SH3GL2: variants seen among roughly 807,000 people sequenced by gnomAD.
SH3GL2 encodes endophilin-A1.
SH3GL2 carries 24 observed loss-of-function variants against 46.0 expected under a neutral mutation model. That is an observed-to-expected ratio of 0.52 (90% CI 0.38 to 0.73). The LOEUF is 0.73. Among genes scored for constraint, SH3GL2 ranks in the 30% least tolerant of loss-of-function variants. The pLI is 0.00. For missense variants in SH3GL2, 413 were observed against 424.2 expected, an observed-to-expected ratio of 0.97 and a Z score of 0.23; for synonymous variants, 196 against 147.1, an observed-to-expected ratio of 1.33 and a Z score of -2.40.
chr9:17,655,612 T>G (rs796213971), intron 1 of SH3GL2, among the ~76,000 whole-genome samples: 21 of 152,376 alleles, frequency 1.4e-4, no homozygotes, highest in African/African-American at 3.8e-4. Flanking sequence ...CATATTTATT[T>G]AAACATATAA....
At chr9:17,610,852 C>T (rs74349203) in intron 1 of SH3GL2, among the ~76,000 whole-genome samples, 2,061 of 152,044 alleles carry the variant, frequency 0.014, 45 homozygotes, top group African/African-American at 0.046. Flanking sequence ...TGTTATGGGA[C>T]GCTTTTTTGG....
chr9:17,617,070 A>G (rs1310679498), intron 1 of SH3GL2, among the ~76,000 whole-genome samples: 2 of 152,116 alleles, frequency 1.3e-5, no homozygotes, highest in Non-Finnish European at 2.9e-5. Context: ...CATACATACT[A>G]TAATATTCTG....
At chr9:17,702,105 A>T (rs1821354009) in intron 1 of SH3GL2, among the ~76,000 whole-genome samples, 1 of 152,136 alleles carries the variant, frequency 6.6e-6, no homozygotes, top group South Asian at 2.1e-4. Flanking sequence ...TAATAGTTTA[A>T]CATAAGATAC....
chr9:17,611,528 T>A (rs1006490293), intron 1 of SH3GL2, among the ~76,000 whole-genome samples: 1 of 152,156 alleles, frequency 6.6e-6, no homozygotes, highest in Non-Finnish European at 1.5e-5. Flanking sequence ...TTGGTGTGTT[T>A]GAGATGTGTG....
chr9:17,720,710 A>C (rs1821874428), intron 1 of SH3GL2, among the ~76,000 whole-genome samples: 1 of 152,130 alleles, frequency 6.6e-6, no homozygotes, highest in Admixed American at 6.6e-5. Flanking sequence ...AATAAGATAT[A>C]AGGAAACGTA....
intron 1 of SH3GL2, among the ~76,000 whole-genome samples, chr9:17,680,024 G>A (rs1385387839): frequency 2.6e-5 from 4 of 152,020 alleles, no homozygotes; most frequent in Middle Eastern, 3.2e-3. Context: ...TGCTGGATTC[G>A]GTTTGCCAGT....
At position 17,777,520 on chromosome 9, in the gene SH3GL2, C is replaced by T. The variant is rs140604064; in HGVS notation, c.188-8861C>T. 1.2e-3 allele frequency among the ~76,000 whole-genome samples: 176 copies of T among 152,232 alleles called. 1 individual carries two copies. The highest frequency in any genetic ancestry group is 0.011 in the Admixed American group (162 of 15,282). On this transcript the variant is annotated intron_variant, in intron 3 of 8. Coordinates refer to ENST00000380607, the MANE Select transcript of SH3GL2 (RefSeq NM_003026.5). The stretch of plus-strand genomic sequence containing the variant: ...TCTATGTCAGCTCAGGCTGCCATAA[C>T]AAAATATCATAAATAATAGAAATTT...
chr9:17,638,641 A>G (rs1315446212), intron 1 of SH3GL2, among the ~76,000 whole-genome samples: 2 of 152,126 alleles, frequency 1.3e-5, no homozygotes, highest in Admixed American at 1.3e-4. Context: ...GGCTTGGGGG[A>G]TGTGCAGAAC....
intron 3 of SH3GL2, among the ~76,000 whole-genome samples, chr9:17,764,595 G>A (rs968568902): frequency 6.6e-6 from 1 of 152,180 alleles, no homozygotes; most frequent in East Asian, 1.9e-4. Flanking sequence ...ACATTTACAT[G>A]GACAGGCCAG....
At chr9:17,634,846 G>A (rs546064065) in intron 1 of SH3GL2, among the ~76,000 whole-genome samples, 1 of 152,298 alleles carries the variant, frequency 6.6e-6, no homozygotes, top group East Asian at 1.9e-4. Flanking sequence ...GGCTTTTGGA[G>A]CCTGTGGCAG....
chr9:17,742,193 G>T (rs554080560), intron 1 of SH3GL2, among the ~76,000 whole-genome samples: 1 of 152,194 alleles, frequency 6.6e-6, no homozygotes, highest in Non-Finnish European at 1.5e-5. Context: ...TGGAGGCACA[G>T]TGGTTGGCTC....
intron 1 of SH3GL2, among the ~76,000 whole-genome samples, chr9:17,591,581 C>T (rs565820361): frequency 6.6e-6 from 1 of 152,248 alleles, no homozygotes; most frequent in Admixed American, 6.5e-5. Context: ...CAGGAAAAAC[C>T]TATATACAGA....
intron 1 of SH3GL2, among the ~76,000 whole-genome samples, chr9:17,643,701 T>C (rs1229787366): frequency 1.3e-5 from 2 of 152,216 alleles, no homozygotes; most frequent in Non-Finnish European, 2.9e-5. Flanking sequence ...TCGTGGTGGA[T>C]AAGCTTTTTG....
chr9:17,756,599 G>C (rs1462317208), intron 2 of SH3GL2, among the ~76,000 whole-genome samples: 1 of 151,420 alleles, frequency 6.6e-6, no homozygotes, highest in Non-Finnish European at 1.5e-5. Flanking sequence ...CCTTGCAATA[G>C]TTTGCTGAGA....
chr9:17,651,092 C>T (rs992857082), intron 1 of SH3GL2, among the ~76,000 whole-genome samples: 2 of 151,880 alleles, frequency 1.3e-5, no homozygotes, highest in Non-Finnish European at 2.9e-5. Context: ...ATTGTTTTTT[C>T]ATTAGTTTTT....
At chr9:17,599,259 T>C (rs975829430) in intron 1 of SH3GL2, among the ~76,000 whole-genome samples, 5 of 152,200 alleles carry the variant, frequency 3.3e-5, no homozygotes, top group Non-Finnish European at 7.3e-5. Context: ...CTGTGCACTA[T>C]GGATGAAGGC....
rs1000329830 is a variant in SH3GL2 at position 17,595,466 on chromosome 9, C to G, written c.45+16179C>G. On this transcript the variant is annotated intron_variant, in intron 1 of 8. Coordinates refer to ENST00000380607, the MANE Select transcript of SH3GL2 (RefSeq NM_003026.5). ...TTAGCAAGAGTATAAGAACATGGAT[C>G]CCCGTTTATGGTGGGAGTGTAAACT... 7.2e-5 allele frequency among the ~76,000 whole-genome samples: 11 copies of G among 152,082 alleles called. No individual in the cohort carries two copies. In the East Asian group the frequency reaches 1.4e-3, roughly 19 times the overall value.
chr9:17,721,363 A>G (rs1001358658), intron 1 of SH3GL2, among the ~76,000 whole-genome samples: 1 of 152,104 alleles, frequency 6.6e-6, no homozygotes, highest in African/African-American at 2.4e-5. Context: ...CTCTCACCAG[A>G]GATAGTTTTG....
intron 1 of SH3GL2, among the ~76,000 whole-genome samples, chr9:17,672,628 G>A (rs1166680132): frequency 6.6e-6 from 1 of 152,024 alleles, no homozygotes; most frequent in African/African-American, 2.4e-5. Context: ...CTCTTTCTGG[G>A]AGCCACCCAC....
Sources: allele counts gnomAD v4.1 joint callset (sites outside exome capture counted in the v4.1 genomes callset), GRCh38; gene constraint gnomAD v4.1.1; transcripts MANE v1.5; gene names NCBI Gene and HGNC (gene_info 2026-07-23, HGNC 2026-07-21).